Variants in MRGPRE observed in about 807,000 individuals in gnomAD.
MRGPRE encodes MAS related GPR family member E.
For synonymous variants in MRGPRE, 229 were observed against 206.7 expected, an observed-to-expected ratio of 1.11 and a Z score of -0.92; for missense variants, 466 against 433.4, an observed-to-expected ratio of 1.08 and a Z score of -0.67.
At position 3,227,095 on chromosome 11, in the gene MRGPRE, C is replaced by A. The variant is rs1452779020; in HGVS notation, c.*766G>T. Among the ~76,000 whole-genome samples, 1 of 152,056 alleles carries A rather than the reference C, an allele frequency of 6.6e-6. No homozygotes were observed. Among genetic ancestry groups the A allele is most frequent in the African/African-American group, 2.4e-5 (1 of 41,392 alleles). Reference sequence around the variant, plus strand: ...GCGGGTGAACTGCCTTGGATGGGGCCGGTGTGAAGCTTTCTGGTTGCTGAA... The same window carrying A: ...GCGGGTGAACTGCCTTGGATGGGGCAGGTGTGAAGCTTTCTGGTTGCTGAA... On this transcript the variant is annotated 3_prime_UTR_variant, in exon 2 of 2. Coordinates refer to ENST00000389832, the MANE Select transcript of MRGPRE (RefSeq NM_001039165.4).
rs11026040 is a variant in MRGPRE at position 3,228,599 on chromosome 11, G to T, written c.201C>A (p.Cys67Ter). 23 of 1,613,728 alleles carry T rather than the reference G, an allele frequency of 1.4e-5. No individual in the cohort carries two copies. The highest frequency in any genetic ancestry group is 1.7e-5 in the Non-Finnish European group (20 of 1,179,948). Residue 67 changes from cysteine to a stop codon, truncating the protein, a stop_gained, in exon 2 of 2, where the codon TGC becomes TGA. Coordinates refer to ENST00000389832, the MANE Select transcript of MRGPRE (RefSeq NM_001039165.4). LOFTEE classifies it low-confidence loss of function (END_TRUNC). Reference sequence around the variant, plus strand: ...GGCAGCCAAGGAAGATGAGATCCGCGCAGGCCACGTCCAGGAGGTAGATGG... The same window carrying T: ...GGCAGCCAAGGAAGATGAGATCCGCTCAGGCCACGTCCAGGAGGTAGATGG... ...PFAIYLLDVA[C>*]ADLIFLGCHM...
rs12574779 is a variant in MRGPRE at position 3,227,989 on chromosome 11, A to C, written c.811T>G (p.Cys271Gly). The part of the protein sequence containing the change: ...HCAAKPVVYF[C>G]LGSAQGRRLP... ...CTGCGGCCCTGGGCACTGCCCAGGC[A>C]GAAGTAGACGACGGGCTTGGCCGCG... Residue 271 changes from cysteine (C) to glycine (G), a missense_variant, in exon 2 of 2, where the codon TGC becomes GGC. Coordinates refer to ENST00000389832, the MANE Select transcript of MRGPRE (RefSeq NM_001039165.4). 1.9e-4 allele frequency: 299 copies of C among 1,600,142 alleles called. 2 individuals are homozygous for C. In the East Asian group the frequency reaches 5.7e-3, roughly 31 times the overall value.
In MRGPRE at chr11:3,228,035, G is replaced by T. The variant is rs760655121; in HGVS notation, c.765C>A (p.Phe255Leu). ...CCGCGCAGTGCACGGCGGCCATGAG[G>T]AAGCTGAAGTGGTAGAAGTAGTGGG... ...YIPHYFYHFS[F>L]LMAAVHCAAK... Residue 255 changes from phenylalanine to leucine, a missense_variant, in exon 2 of 2, where the codon TTC becomes TTA. Phe to Leu is a conservative substitution (Grantham distance 22, BLOSUM62 0). Transcript: ENST00000389832. 4 of 1,609,326 alleles carry T rather than the reference G, an allele frequency of 2.5e-6. No homozygotes were observed. The highest frequency in any genetic ancestry group is 1.7e-4 in the Middle Eastern group (1 of 6,060).
At position 3,230,650 on chromosome 11, in the gene MRGPRE, C is replaced by T. The variant is rs1306653894; in HGVS notation, c.-62+1491G>A. Reference sequence around the variant, plus strand: ...CAGGGGTGGGCATGGGGGTGGGGGGCTCAGTGGAGAGGAGGCCCCAGTCCC... The same window carrying T: ...CAGGGGTGGGCATGGGGGTGGGGGGTTCAGTGGAGAGGAGGCCCCAGTCCC... On this transcript the variant is annotated intron_variant, in intron 1 of 1. Transcript: ENST00000389832. The surrounding 1 kb of genome is among the most constrained non-coding windows in gnomAD (Gnocchi z 5.5). Among the ~76,000 whole-genome samples, 1 of 151,964 alleles carries T rather than the reference C, an allele frequency of 6.6e-6. No individual in the cohort carries two copies. Among genetic ancestry groups the T allele is most frequent in the Admixed American group, 6.5e-5 (1 of 15,272 alleles).
rs34515898 is a variant in MRGPRE, at chr11:3,228,023, G to A, written c.777C>T (p.Ala259=). Residue 259 remains alanine (A), a synonymous_variant, in exon 2 of 2, where the codon GCC becomes GCT. Transcript: ENST00000389832. ...CGACGGGCTTGGCCGCGCAGTGCAC[G>A]GCGGCCATGAGGAAGCTGAAGTGGT... is the stretch of plus-strand genomic sequence containing the variant. The part of the protein sequence containing the change: ...YFYHFSFLMA[A]VHCAAKPVVY... The A allele has an allele frequency of 0.042, 67,891 of 1,607,860 alleles. 1,675 individuals carry two copies. Among genetic ancestry groups the A allele is most frequent in the Middle Eastern group, 0.059 (355 of 6,058 alleles).
rs758552177 is a variant in MRGPRE at position 3,228,796 on chromosome 11, T to C, written c.4A>G (p.Met2Val). The change falls in exon 2 of 2, where the codon ATG becomes GTG. Residue 2 changes from methionine to valine, a missense_variant. Physicochemically the swap from Met to Val is conservative, Grantham distance 21. Coordinates refer to ENST00000389832, the MANE Select transcript of MRGPRE (RefSeq NM_001039165.4). The stretch of plus-strand genomic sequence containing the variant: ...TGCTGTCCAGCTTCTCTGGGCTCCA[T>C]CATGGGGCGGGGGGCCAGGGGATGC... MMEPREAGQHVG... is the reference protein window; with the variant it reads MVEPREAGQHVG... 2 of 1,602,462 alleles carry C rather than the reference T, an allele frequency of 1.2e-6. No homozygotes were observed. Among genetic ancestry groups the C allele is most frequent in the South Asian group, 1.1e-5 (1 of 90,354 alleles).
chr11:3,228,691 C>G lies in MRGPRE; in HGVS notation c.109G>C (p.Gly37Arg), dbSNP rs201883378. The change falls in exon 2 of 2, where the codon GGT (glycine) becomes CGT (arginine). Residue 37 changes from glycine (G) to arginine (R), a missense_variant. By Grantham distance (125) the Gly-to-Arg change is moderately radical. Transcript: ENST00000389832. ...ACTGCCCCATTCCCCAGCAGCCCAC[C>G]GAGGCCGAGCCCCTCGGTGAGGGAC... is the stretch of plus-strand genomic sequence containing the variant. ...ILSLTEGLGLGGLLGNGAVLW... is the reference protein window; with the variant it reads ...ILSLTEGLGLRGLLGNGAVLW... 5.6e-6 allele frequency: 9 copies of G among 1,614,002 alleles called. No homozygotes were observed. The highest frequency in any genetic ancestry group is 7.6e-6 in the Non-Finnish European group (9 of 1,180,020).
In MRGPRE at chr11:3,228,780, G is replaced by C. The variant is rs754268084; in HGVS notation, c.20C>G (p.Ala7Gly). Reference protein sequence around the residue: MMEPREAGQHVGAANGA... With the variant: MMEPREGGQHVGAANGA... Reference sequence around the variant, plus strand: ...GTTGGCGGCCCCCACGTGCTGTCCAGCTTCTCTGGGCTCCATCATGGGGCG... The same window carrying C: ...GTTGGCGGCCCCCACGTGCTGTCCACCTTCTCTGGGCTCCATCATGGGGCG... Residue 7 changes from alanine (A) to glycine (G), a missense_variant, in exon 2 of 2, where the codon GCT (alanine) becomes GGT (glycine). Coordinates refer to ENST00000389832, the MANE Select transcript of MRGPRE (RefSeq NM_001039165.4). The C allele has an allele frequency of 1.2e-6, 2 of 1,606,964 alleles. No homozygotes were observed. Among genetic ancestry groups the C allele is most frequent in the East Asian group, 2.2e-5 (1 of 44,686 alleles).
rs775222416 is a variant in MRGPRE at position 3,228,810 on chromosome 11, G to A, written c.-11C>T. 2.5e-6 allele frequency: 4 copies of A among 1,591,824 alleles called. No homozygotes were observed. Among genetic ancestry groups the A allele is most frequent in the South Asian group, 1.1e-5 (1 of 88,850 alleles). ...TCTGGGCTCCATCATGGGGCGGGGG[G>A]CCAGGGGATGCTGCAGGAGTGTGTT... On this transcript the variant is annotated 5_prime_UTR_variant, in exon 2 of 2. Transcript: ENST00000389832.
rs1402939547 is a variant in MRGPRE, at chr11:3,228,690, C to T, written c.110G>A (p.Gly37Asp). The change falls in exon 2 of 2, where the codon GGT becomes GAT. Residue 37 changes from glycine to aspartate, a missense_variant. Physicochemically the swap from Gly to Asp is moderately conservative, Grantham distance 94. Coordinates refer to ENST00000389832, the MANE Select transcript of MRGPRE (RefSeq NM_001039165.4). ...ILSLTEGLGL[G>D]GLLGNGAVLW... ...GACTGCCCCATTCCCCAGCAGCCCA[C>T]CGAGGCCGAGCCCCTCGGTGAGGGA... 1 of 1,613,890 alleles carries T rather than the reference C, an allele frequency of 6.2e-7. No homozygotes were observed. Among genetic ancestry groups the T allele is most frequent in the Admixed American group, 1.7e-5 (1 of 60,002 alleles).
chr11:3,228,653 G>A lies in MRGPRE; in HGVS notation c.147C>T (p.Leu49=). 1 of 1,614,092 alleles carries A rather than the reference G, an allele frequency of 6.2e-7. No homozygotes were observed. Among genetic ancestry groups the A allele is most frequent in the Non-Finnish European group, 8.5e-7 (1 of 1,180,018 alleles). Residue 49 remains leucine (L), a synonymous_variant, in exon 2 of 2, where the codon CTC becomes CTT. Transcript: ENST00000389832. ...AGGGGTTTCTGTAGACATTGGAGCTGAGCAGCCAGAGGACTGCCCCATTCC... is the reference window on the plus strand; with the variant it reads ...AGGGGTTTCTGTAGACATTGGAGCTAAGCAGCCAGAGGACTGCCCCATTCC... ...LLGNGAVLWL[L]SSNVYRNPFA...
rs11825278 is a variant in MRGPRE, at chr11:3,229,950, G to A, written c.-61-1090C>T. 0.016 allele frequency among the ~76,000 whole-genome samples: 2,511 copies of A among 152,302 alleles called. 80 individuals carry two copies. Among genetic ancestry groups the A allele is most frequent in the African/African-American group, 0.057 (2,361 of 41,548 alleles). ...TCCCCTCCCAAGGCAGTCGGCTCAC[G>A]GGGACAGGTCCTGCGGGAGGGGTAC... On this transcript the variant is annotated intron_variant, in intron 1 of 1. Transcript: ENST00000389832. The surrounding 1 kb of genome is among the most constrained non-coding windows in gnomAD (Gnocchi z 4.4).
rs1262782588 is a variant in MRGPRE, at chr11:3,231,891, G to A, written c.-62+250C>T. ...CAGACAGGAGACAGAGCCACCGGGGGTGGGGGGTTGGGGAGCCATCACCCA... is the reference window on the plus strand; with the variant it reads ...CAGACAGGAGACAGAGCCACCGGGGATGGGGGGTTGGGGAGCCATCACCCA... On this transcript the variant is annotated intron_variant, in intron 1 of 1. Transcript: ENST00000389832. This position sits in a 1 kb window ranked among gnomAD's most constrained non-coding sequence, Gnocchi z 4.7. Among the ~76,000 whole-genome samples, 1 of 152,014 alleles carries A rather than the reference G, an allele frequency of 6.6e-6. No homozygotes were observed. The highest frequency in any genetic ancestry group is 1.5e-5 in the Non-Finnish European group (1 of 67,972).
At position 3,229,965 on chromosome 11, in the gene MRGPRE, G is replaced by A. The variant is rs1021786063; in HGVS notation, c.-61-1105C>T. ...GTCGGCTCACGGGGACAGGTCCTGCGGGAGGGGTACTGAGTCCTGGGAGGC... is the reference window on the plus strand; with the variant it reads ...GTCGGCTCACGGGGACAGGTCCTGCAGGAGGGGTACTGAGTCCTGGGAGGC... On this transcript the variant is annotated intron_variant, in intron 1 of 1. Coordinates refer to ENST00000389832, the MANE Select transcript of MRGPRE (RefSeq NM_001039165.4). The surrounding 1 kb of genome is among the most constrained non-coding windows in gnomAD (Gnocchi z 4.4). Among the ~76,000 whole-genome samples, 3 of 152,192 alleles carry A rather than the reference G, an allele frequency of 2.0e-5. No individual in the cohort carries two copies. The highest frequency in any genetic ancestry group is 2.0e-4 in the Admixed American group (3 of 15,288).
Position 3,229,747 on chromosome 11 carries a change from G to A in MRGPRE, c.-61-887C>T, listed in dbSNP as rs1847809473. Among the ~76,000 whole-genome samples the A allele has an allele frequency of 6.6e-6, 1 of 152,212 alleles. No homozygotes were observed. On this transcript the variant is annotated intron_variant, in intron 1 of 1. Coordinates refer to ENST00000389832, the MANE Select transcript of MRGPRE (RefSeq NM_001039165.4). This position sits in a 1 kb window ranked among gnomAD's most constrained non-coding sequence, Gnocchi z 4.4. ...GCCACAGGAAAACTCCCTTTCCCCT[G>A]GCCATGTCCCTGCTGTCCTACAGCA...
rs531538794 is a variant in MRGPRE at position 3,228,116 on chromosome 11, G to C, written c.684C>G (p.Phe228Leu). Reference protein sequence around the residue: ...LILLTVLLFLFCGLPFGIYWL... With the variant: ...LILLTVLLFLLCGLPFGIYWL... ...AGTAGATGCCGAAGGGCAGGCCGCAGAAGAGGAAGAGGAGGACGGTGAGGA... is the reference window on the plus strand; with the variant it reads ...AGTAGATGCCGAAGGGCAGGCCGCACAAGAGGAAGAGGAGGACGGTGAGGA... The change falls in exon 2 of 2, where the codon TTC (phenylalanine) becomes TTG (leucine). Residue 228 changes from phenylalanine (F) to leucine (L), a missense_variant. Coordinates refer to ENST00000389832, the MANE Select transcript of MRGPRE (RefSeq NM_001039165.4). 1 of 1,592,514 alleles carries C rather than the reference G, an allele frequency of 6.3e-7. No individual in the cohort carries two copies. Among genetic ancestry groups the C allele is most frequent in the South Asian group, 1.1e-5 (1 of 87,778 alleles).
rs924587303 is a variant in MRGPRE at position 3,228,870 on chromosome 11, A to G, written c.-61-10T>C. 4.0e-6 allele frequency: 5 copies of G among 1,265,812 alleles called. No homozygotes were observed. The Middle Eastern group carries it at 6.2e-4, about 158-fold the overall frequency. The allele number at this position is 1,265,812 out of a possible 1,614,324, so 78.4% of individuals were successfully genotyped here. A position where few individuals can be genotyped will look rare whatever the true frequency, so the allele number is the denominator to read the frequency against. ...CTCTCTCCTGATGCCCCTGTAAACC[A>G]CAACAGTTGAGTCTGGGGCTCAGGA... On this transcript the variant is annotated splice_polypyrimidine_tract_variant and intron_variant, in intron 1 of 1. Transcript: ENST00000389832.
rs1282966654 is a variant in MRGPRE at position 3,229,008 on chromosome 11, A to G, written c.-61-148T>C. The G allele has an allele frequency of 1.1e-5, 6 of 548,462 alleles. No homozygotes were observed. The highest frequency in any genetic ancestry group is 1.9e-5 in the Non-Finnish European group (6 of 308,942). 34.0% of individuals were successfully genotyped at this position (548,462 alleles called of 1,614,324 possible). On this transcript the variant is annotated intron_variant, in intron 1 of 1. Transcript: ENST00000389832. This position sits in a 1 kb window ranked among gnomAD's most constrained non-coding sequence, Gnocchi z 4.4. ...CCCTCTCTCATTTCCACCCTCAGCC[A>G]CCTGACCTAAGCTTCTCTTCCCTAA...
chr11:3,228,613 G>A lies in MRGPRE; in HGVS notation c.187C>T (p.Leu63=), dbSNP rs1400770200. 1.2e-6 allele frequency: 2 copies of A among 1,613,984 alleles called. No homozygotes were observed. The highest frequency in any genetic ancestry group is 1.7e-6 in the Non-Finnish European group (2 of 1,180,010). Residue 63 remains leucine, a synonymous_variant, in exon 2 of 2, where the codon CTG becomes TTG. Transcript: ENST00000389832. The stretch of plus-strand genomic sequence containing the variant: ...ATGAGATCCGCGCAGGCCACGTCCA[G>A]GAGGTAGATGGCGAAGGGGTTTCTG... The part of the protein sequence containing the change: ...VYRNPFAIYL[L]DVACADLIFL...
Sources: gnomAD v4.1 joint callset for allele counts (sites outside exome capture counted in the v4.1 genomes callset) on GRCh38, gnomAD v4.1.1 for gene constraint, Gnocchi (gnomAD v3.1) non-coding constraint, MANE v1.5 for transcripts, NCBI Gene and HGNC (gene_info 2026-07-23, HGNC 2026-07-21) for gene names.